The following TDO2 variants were observed in gnomAD, a reference collection of about 807,000 sequenced individuals.
The protein encoded by TDO2 is tryptamin 2,3-dioxygenase.
TDO2 carries 63 observed loss-of-function variants against 61.2 expected under a neutral mutation model. The observed-to-expected ratio is 1.03, with a 90% CI of 0.84 to 1.27. The LOEUF (loss-of-function observed/expected upper bound fraction) is 1.27, where lower values mean the gene tolerates loss of function less well. Ranked by LOEUF, TDO2 falls within the 50% of genes most tolerant of loss-of-function variation. The pLI is 0.00. For synonymous variants in TDO2, 183 were observed against 164.0 expected (o/e 1.12, Z -0.89); for missense variants, 494 against 469.5 (o/e 1.05, Z -0.48).
chr4:155,911,577 C>T lies in TDO2; in HGVS notation c.699C>T (p.Gly233=), dbSNP rs371873535. The T allele has an allele frequency of 1.0e-5, 16 of 1,578,808 alleles. No individual in the cohort carries two copies. In the African/African-American group the frequency reaches 2.0e-4, roughly 20 times the overall value. Residue 233 remains glycine, a synonymous_variant, in exon 7 of 12, where the codon GGC becomes GGT. Coordinates refer to ENST00000536354, the MANE Select transcript of TDO2 (RefSeq NM_005651.4). The part of the protein sequence containing the change: ...WGKLEKNITR[G]LEEEFIRIQA... Reference sequence around the variant, plus strand: ...AGCTTGAAAAAAATATCACCAGAGGCCTGGAAGAGGAATTCATAAGGATTC... The same window carrying T: ...AGCTTGAAAAAAATATCACCAGAGGTCTGGAAGAGGAATTCATAAGGATTC...
In TDO2 at chr4:155,914,409, A is replaced by G; in HGVS notation, c.813A>G (p.Lys271=). 6.3e-7 allele frequency: 1 copy of G among 1,598,320 alleles called. No individual in the cohort carries two copies. Among genetic ancestry groups the G allele is most frequent in the Middle Eastern group, 1.7e-4 (1 of 6,014 alleles). The change falls in exon 8 of 12, where the codon AAA becomes AAG. Residue 271 remains lysine, a synonymous_variant. Transcript: ENST00000536354. The stretch of plus-strand genomic sequence containing the variant: ...TGCTACTGTCCTTATTTGATGAGAA[A>G]CGTCATGAACATCTCCTTAGTAAAG... The part of the protein sequence containing the change: ...KEVLLSLFDE[K]RHEHLLSKGE...
chr4:155,904,983 T>C (rs1742690966), intron 2 of TDO2, 84 bp from the exon 3 acceptor site: 1 of 894,584 alleles, frequency 1.1e-6, no homozygotes. Context: ...GGAGCATTTG[T>C]CATTATCATA....
Position 155,910,065 on chromosome 4 carries a change from T to C in TDO2, c.472T>C (p.Phe158Leu). The part of the protein sequence containing the change: ...SPASGFQSLQ[F>L]RLLENKIGVL... Reference sequence around the variant, plus strand: ...AGCATCAGGCTTCCAGAGTTTGCAATTCCGACTATTAGAAAACAAGATAGG... The same window carrying C: ...AGCATCAGGCTTCCAGAGTTTGCAACTCCGACTATTAGAAAACAAGATAGG... Residue 158 changes from phenylalanine (F) to leucine (L), a missense_variant, in exon 6 of 12, where the codon TTC (phenylalanine) becomes CTC (leucine). By Grantham distance (22) the Phe-to-Leu change is conservative. Coordinates refer to ENST00000536354, the MANE Select transcript of TDO2 (RefSeq NM_005651.4). 1.9e-6 allele frequency: 3 copies of C among 1,585,426 alleles called. No individual in the cohort carries two copies. The highest frequency in any genetic ancestry group is 1.9e-5 in the Admixed American group (1 of 53,644).
At position 155,917,528 on chromosome 4, in the gene TDO2, C is replaced by G. The variant is rs1742965353; in HGVS notation, c.976+54C>G. On this transcript the variant is annotated intron_variant, in intron 10 of 11. Coordinates refer to ENST00000536354, the MANE Select transcript of TDO2 (RefSeq NM_005651.4). Reference sequence around the variant, plus strand: ...CTTCCCCACATGCTGTTCCTGTGCTCTTTATCTTGGTCTTCTGTGTGCCCT... The same window carrying G: ...CTTCCCCACATGCTGTTCCTGTGCTGTTTATCTTGGTCTTCTGTGTGCCCT... The G allele has an allele frequency of 3.4e-6, 5 of 1,466,956 alleles. No individual in the cohort carries two copies. In the South Asian group the frequency reaches 6.3e-5, roughly 19 times the overall value. The allele number at this position is 1,466,956 out of a possible 1,614,324, so 90.9% of individuals were successfully genotyped here.
In TDO2 at chr4:155,919,942, A is replaced by G; in HGVS notation, c.1173A>G (p.Thr391=). ...MNPTIHKFLY[T]AEYCDSSYFS... is the part of the protein sequence containing the mutation. Reference sequence around the variant, plus strand: ...CAACCATTCACAAATTTCTATATACAGCAGAATACTGTGATAGCTCCTACT... The same window carrying G: ...CAACCATTCACAAATTTCTATATACGGCAGAATACTGTGATAGCTCCTACT... Residue 391 remains threonine (T), a synonymous_variant, in exon 12 of 12, where the codon ACA becomes ACG. Coordinates refer to ENST00000536354, the MANE Select transcript of TDO2 (RefSeq NM_005651.4). 6.2e-7 allele frequency: 1 copy of G among 1,613,744 alleles called. No individual in the cohort carries two copies. Among genetic ancestry groups the G allele is most frequent in the South Asian group, 1.1e-5 (1 of 91,066 alleles).
chr4:155,911,808 C>A lies in TDO2; in HGVS notation c.726+204C>A, dbSNP rs112247817. On this transcript the variant is annotated intron_variant, in intron 7 of 11. Transcript: ENST00000536354. ...ATACTAAAATAAGACCTTCATTGCA[C>A]GGGAGAATTTTGTCTATGATAACTA... Among the ~76,000 whole-genome samples the A allele has an allele frequency of 3.9e-5, 6 of 152,012 alleles. 1 individual carries two copies. The South Asian group carries it at 1.2e-3, about 32-fold the overall frequency.
intron 3 of TDO2, chr4:155,907,085 A>C (rs938639688): frequency 6.6e-5 from 10 of 152,170 alleles, no homozygotes; most frequent in Non-Finnish European, 1.3e-4. Context: ...GGAAATTCTG[A>C]AAGATGATCT....
Position 155,914,416 on chromosome 4 carries a change from G to A in TDO2, c.820G>A (p.Glu274Lys), listed in dbSNP as rs752463138. Reference protein sequence around the residue: ...LLSLFDEKRHEHLLSKGERRL... With the variant: ...LLSLFDEKRHKHLLSKGERRL... ...GTCCTTATTTGATGAGAAACGTCAT[G>A]AACATCTCCTTAGTAAAGGCAGGTA... The change falls in exon 8 of 12, where the codon GAA becomes AAA. Residue 274 changes from glutamate (E) to lysine (K), a missense_variant. Glu to Lys is a moderately conservative substitution (Grantham distance 56). Coordinates refer to ENST00000536354, the MANE Select transcript of TDO2 (RefSeq NM_005651.4). 6.3e-7 allele frequency: 1 copy of A among 1,593,698 alleles called. No individual in the cohort carries two copies. The highest frequency in any genetic ancestry group is 8.5e-7 in the Non-Finnish European group (1 of 1,174,960).
chr4:155,904,353 C>A (rs1051742705), intron 2 of TDO2, among the ~76,000 whole-genome samples: 3 of 152,104 alleles, frequency 2.0e-5, no homozygotes, highest in Non-Finnish European at 2.9e-5. Context: ...AGCAGAGAAT[C>A]CAGAATCTGG....
intron 7 of TDO2, 87 bp downstream of exon 7, chr4:155,911,691 TTTCTC>T: frequency 1.2e-6 from 1 of 812,488 alleles, no homozygotes; most frequent in Non-Finnish European, 1.8e-6. Flanking sequence ...CTCTTAACCT[TTTCTC>T]TTTCTCATAT....
At chr4:155,916,072 T>TC (rs1742926981) in intron 9 of TDO2, among the ~76,000 whole-genome samples, 160 bp downstream of exon 9, 1 of 151,718 alleles carries the variant, frequency 6.6e-6, no homozygotes, top group Non-Finnish European at 1.5e-5. Flanking sequence ...TATGCCCCCG[T>TC]CCCTTTTTTT....
At chr4:155,914,543 TGA>T in intron 8 of TDO2, 109 bp downstream of exon 8, 2 of 761,452 alleles carry the variant, frequency 2.6e-6, no homozygotes, top group Non-Finnish European at 3.9e-6. Context: ...GAATGAAAAT[TGA>T]TATTCTACTG....
At position 155,911,598 on chromosome 4, in the gene TDO2, G is replaced by C. The variant is rs113677641; in HGVS notation, c.720G>C (p.Arg240Ser). 12 of 1,516,244 alleles carry C rather than the reference G, an allele frequency of 7.9e-6. No individual in the cohort carries two copies. In the African/African-American group the frequency reaches 9.9e-5, roughly 12 times the overall value. The allele number at this position is 1,516,244 out of a possible 1,614,324, so 93.9% of individuals were successfully genotyped here. ...GAGGCCTGGAAGAGGAATTCATAAG[G>C]ATTCAGGTATTTAGATGACATGAGT... Reference protein sequence around the residue: ...ITRGLEEEFIRIQAKEESEEK... With the variant: ...ITRGLEEEFISIQAKEESEEK... The change falls in exon 7 of 12, where the codon AGG becomes AGC. Residue 240 changes from arginine (R) to serine (S), a missense_variant. Coordinates refer to ENST00000536354, the MANE Select transcript of TDO2 (RefSeq NM_005651.4).
At chr4:155,916,174 T>A (rs1742930130) in intron 9 of TDO2, among the ~76,000 whole-genome samples, 1 of 144,454 alleles carries the variant, frequency 6.9e-6, no homozygotes, top group Non-Finnish European at 1.5e-5. Flanking sequence ...CTTTTTTTTT[T>A]TTTTTTTTTT....
chr4:155,906,246 G>A (rs1463753127), intron 3 of TDO2: 1 of 152,042 alleles, frequency 6.6e-6, no homozygotes, highest in African/African-American at 2.4e-5. Flanking sequence ...TAATAAACAT[G>A]CAACAAATGG....
At chr4:155,919,679 A>G (rs1743008015) in intron 11 of TDO2, among the ~76,000 whole-genome samples, 158 bp from the exon 12 acceptor site, 1 of 152,158 alleles carries the variant, frequency 6.6e-6, no homozygotes, top group Non-Finnish European at 1.5e-5. Flanking sequence ...CTAATACTAC[A>G]TAATACCTAA....
chr4:155,907,631 T>C (rs1354612180), intron 3 of TDO2, 91 bp from the exon 4 acceptor site: 10 of 795,116 alleles, frequency 1.3e-5, no homozygotes, highest in Admixed American at 9.7e-5. Flanking sequence ...CATTTTAATT[T>C]CTCTTTCAAC....
At chr4:155,919,447 C>A (rs1743004161) in intron 11 of TDO2, among the ~76,000 whole-genome samples, 1 of 152,112 alleles carries the variant, frequency 6.6e-6, no homozygotes, top group Non-Finnish European at 1.5e-5. Context: ...GGCATCTTTT[C>A]AGTTGGAAAT....
chr4:155,916,989 AC>A (rs148801277), intron 9 of TDO2, among the ~76,000 whole-genome samples: 15,113 of 151,298 alleles, frequency 0.1, 1,015 homozygotes, highest in Non-Finnish European at 0.15. Flanking sequence ...AACAAAAAAA[AC>A]AAAACAAAAA....
Sources: allele counts gnomAD v4.1 joint callset (sites outside exome capture counted in the v4.1 genomes callset), GRCh38; gene constraint gnomAD v4.1.1; transcripts MANE v1.5; gene names NCBI Gene and HGNC (gene_info 2026-07-23, HGNC 2026-07-21).